The following MRRF variants were observed in gnomAD, a reference collection of about 807,000 sequenced individuals.
MRRF encodes ribosome-recycling factor, mitochondrial.
In MRRF, 18 loss-of-function variants were observed where a neutral mutation model predicts 25.1. The ratio of observed to expected loss-of-function variants is 0.72; its 90% CI spans 0.50 to 1.06. MRRF has a LOEUF of 1.06. Ranked by LOEUF, MRRF falls within the 50% of genes least tolerant of loss-of-function variation. The pLI, the probability that MRRF is intolerant of heterozygous loss-of-function variation, is 0.00. For synonymous variants in MRRF, 113 were observed against 112.1 expected, an observed-to-expected ratio of 1.01 and a Z score of -0.05; for missense variants, 323 against 319.3, an observed-to-expected ratio of 1.01 and a Z score of -0.09.
rs759970360 is a variant in MRRF at position 122,324,481 on chromosome 9, A to G, written c.*1864A>G. On this transcript the variant is annotated 3_prime_UTR_variant, in exon 7 of 7. Transcript: ENST00000344641. The stretch of plus-strand genomic sequence containing the variant: ...CTTCATTAGCATTTAGTGAGCACCA[A>G]TTGTTTGTCAGGTGCTGAACTATGT... 8 of 152,232 alleles carry G rather than the reference A, an allele frequency of 5.3e-5. No individual in the cohort carries two copies. The highest frequency in any genetic ancestry group is 1.3e-4 in the Admixed American group (2 of 15,284). 9.4% of individuals were successfully genotyped at this position (152,232 alleles called of 1,614,324 possible).
intron 5 of MRRF, among the ~76,000 whole-genome samples, chr9:122,297,208 G>A (rs1264180550): frequency 6.6e-6 from 1 of 152,088 alleles, no homozygotes; most frequent in African/African-American, 2.4e-5. Flanking sequence ...AGCTACTCAG[G>A]AAGCTGAGGT....
At chr9:122,290,053 CA>C (rs35432998) in intron 4 of MRRF, among the ~76,000 whole-genome samples, 27,093 of 112,958 alleles carry the variant, frequency 0.24, 2,793 homozygotes, top group African/African-American at 0.38. Context: ...GACCCTGTCT[CA>C]AAAAAAAAAA....
At chr9:122,300,259 G>C (rs1397406510) in intron 5 of MRRF, among the ~76,000 whole-genome samples, 2 of 152,214 alleles carry the variant, frequency 1.3e-5, no homozygotes, top group African/African-American at 4.8e-5. Flanking sequence ...CAGCAGGAAT[G>C]TCACAGTGGA....
At chr9:122,291,619 C>T in intron 4 of MRRF, 130 bp from the exon 5 acceptor site, 1 of 740,510 alleles carries the variant, frequency 1.4e-6, no homozygotes, top group Non-Finnish European at 2.5e-6. Context: ...AATGTAACTT[C>T]CTGATCTTAC....
At chr9:122,276,433 G>C (rs1832780872) in intron 2 of MRRF, among the ~76,000 whole-genome samples, 3 of 152,190 alleles carry the variant, frequency 2.0e-5, no homozygotes, top group Non-Finnish European at 4.4e-5. Flanking sequence ...TGGGATCACA[G>C]GTGTTGAGCC....
At chr9:122,280,260 GAGA>G (rs1468491041) in intron 2 of MRRF, among the ~76,000 whole-genome samples, 180 bp from the exon 3 acceptor site, 3 of 152,206 alleles carry the variant, frequency 2.0e-5, no homozygotes, top group Admixed American at 2.0e-4. Flanking sequence ...ACTAGTATCT[GAGA>G]AGGTGTTTAG....
At chr9:122,281,590 C>T (rs983001585) in intron 3 of MRRF, among the ~76,000 whole-genome samples, 3 of 152,226 alleles carry the variant, frequency 2.0e-5, no homozygotes, top group African/African-American at 7.2e-5. Flanking sequence ...GCCATTCAAT[C>T]TCTCTCAACT....
chr9:122,273,565 A>G (rs1047287948), intron 2 of MRRF, among the ~76,000 whole-genome samples: 1 of 151,142 alleles, frequency 6.6e-6, no homozygotes, highest in African/African-American at 2.4e-5. Flanking sequence ...TGAGTTATAT[A>G]TAAGGAAAAG....
intron 4 of MRRF, 94 bp downstream of exon 4, chr9:122,285,381 T>C (rs1367874284): frequency 2.4e-6 from 2 of 835,738 alleles, no homozygotes; most frequent in Admixed American, 1.7e-5. Context: ...CAGCTTAGGA[T>C]GAAACAAGAG....
intron 1 of MRRF, 161 bp from the exon 2 acceptor site, chr9:122,270,703 C>G (rs953941980): frequency 3.2e-6 from 2 of 626,048 alleles, no homozygotes; most frequent in Non-Finnish European, 5.7e-6. Context: ...ATATTTTCTT[C>G]TAGGGCTGTT....
In MRRF at chr9:122,288,353, A is replaced by T. The variant is rs148829411; in HGVS notation, c.459+3066A>T. 2.0e-5 allele frequency among the ~76,000 whole-genome samples: 3 copies of T among 152,290 alleles called. No homozygotes were observed. In the East Asian group the frequency reaches 5.8e-4, roughly 29 times the overall value. ...CTGCTTTGTTGCTAGTCTCTTTCTC[A>T]TGTTTTGTTTCCTATGATCAGTACA... On this transcript the variant is annotated intron_variant, in intron 4 of 6. Transcript: ENST00000344641.
At chr9:122,312,779 A>G (rs1221036968) in intron 5 of MRRF, among the ~76,000 whole-genome samples, 1 of 151,716 alleles carries the variant, frequency 6.6e-6, no homozygotes, top group African/African-American at 2.4e-5. Context: ...TTTTCTTGTC[A>G]CTCCTTTCTT....
At chr9:122,294,517 A>T (rs564307396) in intron 5 of MRRF, among the ~76,000 whole-genome samples, 28 of 152,136 alleles carry the variant, frequency 1.8e-4, no homozygotes, top group Admixed American at 4.6e-4. Flanking sequence ...TCATTTTTTT[A>T]TATACTTTCT....
chr9:122,273,056 A>G (rs1468391912), intron 2 of MRRF, among the ~76,000 whole-genome samples: 2 of 152,208 alleles, frequency 1.3e-5, no homozygotes, highest in Non-Finnish European at 2.9e-5. Flanking sequence ...ATTTACTGGT[A>G]CAGATCTTTC....
intron 5 of MRRF, among the ~76,000 whole-genome samples, chr9:122,293,924 A>G (rs999514010): frequency 3.9e-5 from 6 of 152,220 alleles, no homozygotes; most frequent in Non-Finnish European, 8.8e-5. Flanking sequence ...AGTAAATGGC[A>G]GTCAGGATTT....
intron 5 of MRRF, among the ~76,000 whole-genome samples, chr9:122,312,046 C>A (rs1835235282): frequency 6.6e-6 from 1 of 152,088 alleles, no homozygotes; most frequent in Admixed American, 6.5e-5. Flanking sequence ...CTTTTTAGTC[C>A]CAAGCTTCAT....
chr9:122,270,799 C>G lies in MRRF; in HGVS notation c.-28-65C>G, dbSNP rs562413742. 36 of 1,266,494 alleles carry G rather than the reference C, an allele frequency of 2.8e-5. No homozygotes were observed. The African/African-American group carries it at 4.4e-4, about 15-fold the overall frequency. 78.5% of individuals were successfully genotyped at this position (1,266,494 alleles called of 1,614,324 possible). ...TTGCTTGATAATTGGTACGAATTACCTGAAGTTGCAAGCTTTGTACTTAGA... is the reference window on the plus strand; with the variant it reads ...TTGCTTGATAATTGGTACGAATTACGTGAAGTTGCAAGCTTTGTACTTAGA... On this transcript the variant is annotated intron_variant, in intron 1 of 6. Transcript: ENST00000344641.
intron 4 of MRRF, among the ~76,000 whole-genome samples, chr9:122,289,518 T>C (rs142802339): frequency 1.3e-4 from 20 of 152,032 alleles, no homozygotes; most frequent in Admixed American, 2.0e-4. Context: ...TGAGAAGCTA[T>C]AGTAGAGGAT....
At chr9:122,277,907 A>G (rs550970968) in intron 2 of MRRF, among the ~76,000 whole-genome samples, 143 of 151,970 alleles carry the variant, frequency 9.4e-4, no homozygotes, top group Non-Finnish European at 1.9e-3. Flanking sequence ...TTTTAAATGC[A>G]TATTTAAAAA....
Sources: allele counts gnomAD v4.1 joint callset (sites outside exome capture counted in the v4.1 genomes callset), GRCh38; gene constraint gnomAD v4.1.1; transcripts MANE v1.5; gene names NCBI Gene and HGNC (gene_info 2026-07-23, HGNC 2026-07-21).